PRUNE2: variants seen among roughly 807,000 people sequenced by gnomAD.
PRUNE2 encodes protein prune homolog 2.
PRUNE2 carries 164 observed loss-of-function variants against 252.0 expected under a neutral mutation model. That is an observed-to-expected ratio of 0.65 (90% CI 0.57 to 0.74). The LOEUF (loss-of-function observed/expected upper bound fraction) is 0.74. Among genes scored for constraint, PRUNE2 ranks in the 30% least tolerant of loss-of-function variants. The pLI, the probability that PRUNE2 is intolerant of heterozygous loss-of-function variation, is 0.00. For synonymous variants in PRUNE2, 1,292 were observed against 1,350.2 expected, an observed-to-expected ratio of 0.96 and a Z score of 0.94; for missense variants, 3,495 against 3,711.0, an observed-to-expected ratio of 0.94 and a Z score of 1.51.
intron 6 of PRUNE2, among the ~76,000 whole-genome samples, chr9:76,731,189 T>G (rs1185264619): frequency 3.3e-5 from 5 of 151,922 alleles, no homozygotes; most frequent in African/African-American, 1.2e-4. Flanking sequence ...CTTGCTGCTG[T>G]GGAAATATTC....
chr9:76,633,531 G>A (rs567699878), intron 15 of PRUNE2, among the ~76,000 whole-genome samples: 341 of 149,514 alleles, frequency 2.3e-3, no homozygotes, highest in African/African-American at 6.5e-3. Context: ...GCAGTGAGCC[G>A]AGATCGCACC....
At chr9:76,899,791 A>T (rs2063061418) in intron 1 of PRUNE2, among the ~76,000 whole-genome samples, 1 of 152,250 alleles carries the variant, frequency 6.6e-6, no homozygotes, top group Non-Finnish European at 1.5e-5. Context: ...CTCAAGAAGC[A>T]GGTGAGGGGG....
At chr9:76,868,767 A>T (rs1366279395) in intron 1 of PRUNE2, among the ~76,000 whole-genome samples, 1 of 141,064 alleles carries the variant, frequency 7.1e-6, no homozygotes, top group Non-Finnish European at 1.5e-5. Context: ...ATTCTAGATT[A>T]AAGTATTTTC....
At chr9:76,870,546 C>T (rs1386120360) in intron 1 of PRUNE2, among the ~76,000 whole-genome samples, 4 of 151,870 alleles carry the variant, frequency 2.6e-5, no homozygotes, top group South Asian at 2.1e-4. Flanking sequence ...ATTAGCTGGG[C>T]GTGGTAGCGG....
intron 6 of PRUNE2, among the ~76,000 whole-genome samples, chr9:76,746,016 G>C (rs1564201007): frequency 6.6e-6 from 1 of 152,204 alleles, no homozygotes; most frequent in Non-Finnish European, 1.5e-5. Context: ...CTCTGATGAT[G>C]AGACTTTGCT....
At chr9:76,875,637 T>C (rs1033656847) in intron 1 of PRUNE2, among the ~76,000 whole-genome samples, 7 of 152,240 alleles carry the variant, frequency 4.6e-5, no homozygotes, top group Non-Finnish European at 1.0e-4. Flanking sequence ...GTGCTGGGAT[T>C]ACAACTGTGA....
At position 76,819,004 on chromosome 9, in the gene PRUNE2, A is replaced by T. The variant is rs777168739; in HGVS notation, c.756+4628T>A. Among the ~76,000 whole-genome samples, 151 of 152,300 alleles carry T rather than the reference A, an allele frequency of 9.9e-4. 2 individuals carry two copies. Among genetic ancestry groups the T allele is most frequent in the Non-Finnish European group, 5.7e-4 (39 of 68,026 alleles). ...CATGGCTCATGCCTGTAATCCCAGC[A>T]CTTTGAGAGGCTGAGGCGAGTTGAT... On this transcript the variant is annotated intron_variant, in intron 6 of 18. Coordinates refer to ENST00000376718, the MANE Select transcript of PRUNE2 (RefSeq NM_015225.3).
At chr9:76,787,813 C>G (rs1322138460) in intron 6 of PRUNE2, among the ~76,000 whole-genome samples, 2 of 152,164 alleles carry the variant, frequency 1.3e-5, no homozygotes, top group Non-Finnish European at 2.9e-5. Flanking sequence ...CCACTGCCCA[C>G]AGGAGAAAGC....
chr9:76,625,220 A>G (rs140692469), intron 16 of PRUNE2, among the ~76,000 whole-genome samples: 9 of 152,344 alleles, frequency 5.9e-5, no homozygotes, highest in Admixed American at 4.6e-4. Context: ...GACCACATAT[A>G]TGGTAGTGGT....
At chr9:76,768,264 C>T (rs1403087605) in intron 6 of PRUNE2, among the ~76,000 whole-genome samples, 1 of 152,134 alleles carries the variant, frequency 6.6e-6, no homozygotes, top group African/African-American at 2.4e-5. Context: ...GCGATCTCAG[C>T]TCACTGCAAC....
chr9:76,890,315 G>A (rs1468132550), intron 1 of PRUNE2, among the ~76,000 whole-genome samples: 2 of 152,200 alleles, frequency 1.3e-5, no homozygotes, highest in African/African-American at 4.8e-5. Flanking sequence ...GCTGAAGGGG[G>A]AGTGATAAGG....
chr9:76,708,249 T>C lies in PRUNE2; in HGVS notation c.4025A>G (p.Glu1342Gly). 1 of 1,613,908 alleles carries C rather than the reference T, an allele frequency of 6.2e-7. No homozygotes were observed. The highest frequency in any genetic ancestry group is 8.5e-7 in the Non-Finnish European group (1 of 1,179,862). ...GATDRGHLDEEEVIASGVENA... is the reference protein window; with the variant it reads ...GATDRGHLDEGEVIASGVENA... The stretch of plus-strand genomic sequence containing the variant: ...CTCCACACCAGAGGCGATCACCTCC[T>C]CTTCATCAAGGTGCCCCCTGTCAGT... Residue 1342 changes from glutamate (E) to glycine (G), a missense_variant, in exon 8 of 19, where the codon GAG (glutamate) becomes GGG (glycine). Coordinates refer to ENST00000376718, the MANE Select transcript of PRUNE2 (RefSeq NM_015225.3).
At chr9:76,887,975 G>A (rs910476088) in intron 1 of PRUNE2, among the ~76,000 whole-genome samples, 13 of 152,154 alleles carry the variant, frequency 8.5e-5, no homozygotes, top group Middle Eastern at 3.4e-3. Context: ...AAACCACTCC[G>A]GGCTCCCCAC....
intron 6 of PRUNE2, among the ~76,000 whole-genome samples, chr9:76,771,704 C>A (rs1315883009): frequency 6.6e-6 from 1 of 152,130 alleles, no homozygotes; most frequent in Non-Finnish European, 1.5e-5. Flanking sequence ...ACAGGAAAAA[C>A]CAAACCTAAA....
chr9:76,816,668 G>A (rs3905246), intron 6 of PRUNE2, among the ~76,000 whole-genome samples: 20,808 of 152,100 alleles, frequency 0.14, 1,446 homozygotes, highest in East Asian at 0.15. Context: ...CCAGCTACTC[G>A]GAGTTTGGTT....
At chr9:76,642,001 T>TAAAAAAAAAAAAAAAAAAAAGA in intron 12 of PRUNE2, 7 of 1,010,448 alleles carry the variant, frequency 6.9e-6, no homozygotes, top group Admixed American at 3.4e-5. Flanking sequence ...ATAAGAGAAG[T>TAAAAAAAAAAAAAAAAAAAAGA]AAAAAAAAAA....
At chr9:76,854,350 T>G in intron 1 of PRUNE2, 142 bp from the exon 2 acceptor site, 1 of 469,850 alleles carries the variant, frequency 2.1e-6, no homozygotes, top group Middle Eastern at 5.4e-4. Flanking sequence ...AAGTTTTACA[T>G]GAGAACATAA....
intron 6 of PRUNE2, among the ~76,000 whole-genome samples, chr9:76,789,188 A>C (rs1036659075): frequency 1.3e-5 from 2 of 152,210 alleles, no homozygotes; most frequent in Admixed American, 6.5e-5. Context: ...AAATCAAGAA[A>C]CTTCACCTTC....
chr9:76,832,598 T>G (rs1007179060), intron 4 of PRUNE2, among the ~76,000 whole-genome samples: 2 of 152,002 alleles, frequency 1.3e-5, no homozygotes, highest in African/African-American at 4.8e-5. Context: ...CTAAGGAAAT[T>G]TTATACCCTT....
Sources: allele counts gnomAD v4.1 joint callset (sites outside exome capture counted in the v4.1 genomes callset), GRCh38; gene constraint gnomAD v4.1.1; transcripts MANE v1.5; gene names NCBI Gene and HGNC (gene_info 2026-07-23, HGNC 2026-07-21).